The following DLGAP1 variants were observed in gnomAD, a reference collection of about 807,000 sequenced individuals.
The protein encoded by DLGAP1 is disks large-associated protein 1.
Under a neutral mutation model 90.8 loss-of-function variants are expected in DLGAP1, and 11 were observed. The observed-to-expected ratio is 0.12, with a 90% CI of 0.08 to 0.20. The LOEUF is 0.20. DLGAP1 is among the 10% of genes least tolerant of loss of function. DLGAP1 has a pLI of 1.00. For missense variants in DLGAP1, 1,050 were observed against 1,333.8 expected (o/e 0.79, Z 3.31); for synonymous variants, 558 against 540.7 (o/e 1.03, Z -0.44).
intron 1 of DLGAP1, among the ~76,000 whole-genome samples, chr18:4,447,256 A>G (rs1008633393): frequency 7.0e-6 from 1 of 143,532 alleles, no homozygotes; most frequent in African/African-American, 2.6e-5. Context: ...ATGTCCATCA[A>G]CAAAGATTGA....
chr18:4,271,767 T>C (rs1035758725), intron 1 of DLGAP1, among the ~76,000 whole-genome samples: 1 of 152,234 alleles, frequency 6.6e-6, no homozygotes, highest in African/African-American at 2.4e-5. Context: ...ACCCACCTAT[T>C]TCCCTTTGCT....
intron 6 of DLGAP1, among the ~76,000 whole-genome samples, chr18:3,741,058 T>TCACCTCACCACCACCAC (rs2062926327): frequency 3.9e-5 from 1 of 25,896 alleles, no homozygotes. Flanking sequence ...ACCACCACCA[T>TCACCTCACCACCACCAC]CACCACCACC....
chr18:4,385,499 C>G (rs1394827147), intron 1 of DLGAP1, among the ~76,000 whole-genome samples: 2 of 151,940 alleles, frequency 1.3e-5, no homozygotes, highest in Non-Finnish European at 2.9e-5. Flanking sequence ...GCAGAAAACT[C>G]TGTTGTTGAT....
intron 2 of DLGAP1, among the ~76,000 whole-genome samples, chr18:4,104,599 T>C (rs1459689777): frequency 6.6e-6 from 1 of 152,244 alleles, no homozygotes; most frequent in Non-Finnish European, 1.5e-5. Flanking sequence ...TTCTGGCTTA[T>C]GCTTTTCTAT....
At chr18:3,920,018 T>G (rs1458758608) in intron 3 of DLGAP1, among the ~76,000 whole-genome samples, 1 of 152,168 alleles carries the variant, frequency 6.6e-6, no homozygotes, top group Non-Finnish European at 1.5e-5. Flanking sequence ...CCTTTCCACA[T>G]CAAACACCTT....
intron 9 of DLGAP1, among the ~76,000 whole-genome samples, chr18:3,563,642 T>A (rs1455153309): frequency 2.0e-5 from 3 of 151,934 alleles, no homozygotes; most frequent in Non-Finnish European, 4.4e-5. Context: ...GCTAATTTTT[T>A]ATTTTTAGTA....
At chr18:4,385,450 C>G (rs2082210824) in intron 1 of DLGAP1, among the ~76,000 whole-genome samples, 1 of 151,830 alleles carries the variant, frequency 6.6e-6, no homozygotes, top group South Asian at 2.1e-4. Context: ...TTTTTAGTTA[C>G]ATCATCACAA....
chr18:3,905,854 C>T (rs73940267), intron 3 of DLGAP1, among the ~76,000 whole-genome samples: 1,567 of 152,272 alleles, frequency 0.01, 27 homozygotes, highest in African/African-American at 0.036. Context: ...TACAGCATGC[C>T]TTACTCTACA....
At position 3,740,223 on chromosome 18, in the gene DLGAP1, T is replaced by C. The variant is rs143000889; in HGVS notation, c.1350+2112A>G. Among the ~76,000 whole-genome samples the C allele has an allele frequency of 2.7e-3, 409 of 152,304 alleles. 2 individuals are homozygous for C. Among genetic ancestry groups the C allele is most frequent in the African/African-American group, 9.3e-3 (388 of 41,564 alleles). The stretch of plus-strand genomic sequence containing the variant: ...TAATTCTCAATGACTGTGTGACCTT[T>C]AGGCCATGCAGAATAAATATGTGCT... On this transcript the variant is annotated intron_variant, in intron 6 of 12. Transcript: ENST00000315677.
intron 1 of DLGAP1, among the ~76,000 whole-genome samples, chr18:4,205,082 T>C (rs1036632545): frequency 1.3e-5 from 2 of 152,192 alleles, no homozygotes; most frequent in African/African-American, 4.8e-5. Context: ...AGTGCTTCAG[T>C]GCAGAATATA....
chr18:3,605,546 C>T (rs1414600786), intron 7 of DLGAP1, among the ~76,000 whole-genome samples: 1 of 152,230 alleles, frequency 6.6e-6, no homozygotes, highest in Non-Finnish European at 1.5e-5. Context: ...GCTTTAGTTT[C>T]CTTTAACACT....
At chr18:3,600,525 C>T (rs553287886) in intron 7 of DLGAP1, among the ~76,000 whole-genome samples, 5 of 151,860 alleles carry the variant, frequency 3.3e-5, no homozygotes, top group African/African-American at 4.8e-5. Context: ...CATGAGCCAC[C>T]GTGCCTGGCC....
intron 7 of DLGAP1, among the ~76,000 whole-genome samples, chr18:3,723,245 T>C (rs1316040499): frequency 6.6e-6 from 1 of 152,230 alleles, no homozygotes; most frequent in Non-Finnish European, 1.5e-5. Flanking sequence ...TTATGCCTGA[T>C]GACAGTTAAT....
rs79969178 is a variant in DLGAP1, at chr18:4,136,649, C to G, written c.-159+14531G>C. Among the ~76,000 whole-genome samples the G allele has an allele frequency of 2.1e-3, 319 of 152,236 alleles. 2 individuals carry two copies. Among genetic ancestry groups the G allele is most frequent in the African/African-American group, 7.4e-3 (309 of 41,552 alleles). On this transcript the variant is annotated intron_variant, in intron 2 of 12. Coordinates refer to ENST00000315677, the MANE Select transcript of DLGAP1 (RefSeq NM_004746.4). ...TATATTCTTGTTATTAATTCCTTGT[C>G]CAATGGATAGTTGCAAACATTTTCT...
At chr18:4,435,042 G>T (rs970278877) in intron 1 of DLGAP1, among the ~76,000 whole-genome samples, 11 of 152,200 alleles carry the variant, frequency 7.2e-5, no homozygotes, top group Non-Finnish European at 1.6e-4. Context: ...TGGAGGGCTA[G>T]ACATGAAATG....
At chr18:4,228,850 CA>C (rs1021708698) in intron 1 of DLGAP1, among the ~76,000 whole-genome samples, 8 of 150,692 alleles carry the variant, frequency 5.3e-5, no homozygotes, top group Admixed American at 2.7e-4. Context: ...GGGCAGTCAA[CA>C]AAAAAAATTT....
intron 3 of DLGAP1, among the ~76,000 whole-genome samples, chr18:3,934,921 G>C (rs1599181791): frequency 1.3e-5 from 2 of 152,388 alleles, no homozygotes; most frequent in Admixed American, 1.3e-4. Flanking sequence ...TTAGGACAAA[G>C]CAGTTCTGAA....
intron 1 of DLGAP1, among the ~76,000 whole-genome samples, chr18:4,448,807 G>C (rs537627992): frequency 6.6e-6 from 1 of 152,290 alleles, no homozygotes; most frequent in African/African-American, 2.4e-5. Context: ...CATCAGTAAA[G>C]ATGTTAGATT....
At chr18:4,244,277 T>C (rs957314610) in intron 1 of DLGAP1, among the ~76,000 whole-genome samples, 2 of 152,206 alleles carry the variant, frequency 1.3e-5, no homozygotes, top group Non-Finnish European at 2.9e-5. Context: ...ATCAGATTAC[T>C]GTGAATTTGT....
Sources: allele counts gnomAD v4.1 joint callset (sites outside exome capture counted in the v4.1 genomes callset), GRCh38; gene constraint gnomAD v4.1.1; transcripts MANE v1.5; gene names NCBI Gene and HGNC (gene_info 2026-07-23, HGNC 2026-07-21).